Variants in TYR observed in about 807,000 individuals in gnomAD.
The protein encoded by TYR is LB24-AB.
TYR carries 58 observed loss-of-function variants against 51.5 expected under a neutral mutation model. The ratio of observed to expected loss-of-function variants is 1.13; its 90% CI spans 0.91 to 1.40. The LOEUF (loss-of-function observed/expected upper bound fraction) is 1.40, where lower values mean the gene tolerates loss of function less well. Among genes scored for constraint, TYR ranks in the 40% most tolerant of loss-of-function variants. The pLI, the probability that TYR is intolerant of heterozygous loss-of-function variation, is 0.00. For synonymous variants in TYR, 263 were observed against 235.2 expected (o/e 1.12, Z -1.08); for missense variants, 732 against 647.4 (o/e 1.13, Z -1.42).
At chr11:89,242,559 G>C (rs1207372095) in intron 3 of TYR, among the ~76,000 whole-genome samples, 4 of 152,114 alleles carry the variant, frequency 2.6e-5, no homozygotes, top group Non-Finnish European at 5.9e-5. Context: ...AAGGACTTTG[G>C]TGAAGGTGGT....
At chr11:89,224,273 C>T (rs1943949507) in intron 2 of TYR, among the ~76,000 whole-genome samples, 1 of 152,166 alleles carries the variant, frequency 6.6e-6, no homozygotes, top group South Asian at 2.1e-4. Flanking sequence ...ATTCACTTTG[C>T]ACCAGATCTG....
intron 3 of TYR, among the ~76,000 whole-genome samples, chr11:89,242,506 G>A (rs1347075418): frequency 3.9e-5 from 6 of 151,990 alleles, no homozygotes; most frequent in African/African-American, 7.2e-5. Flanking sequence ...CACTGTGCCC[G>A]GCCTCTTTAT....
Position 89,191,263 on chromosome 11 carries a change from A to T in TYR, c.881A>T (p.Glu294Val). 2 of 1,613,624 alleles carry T rather than the reference A, an allele frequency of 1.2e-6. No individual in the cohort carries two copies. Among genetic ancestry groups the T allele is most frequent in the Admixed American group, 1.7e-5 (1 of 59,920 alleles). Reference sequence around the variant, plus strand: ...CAGTCTTTATGCAATGGAACGCCCGAGGGACCTTTACGGCGTAATCCTGGA... The same window carrying T: ...CAGTCTTTATGCAATGGAACGCCCGTGGGACCTTTACGGCGTAATCCTGGA... ...SHQSLCNGTPEGPLRRNPGNH... is the reference protein window; with the variant it reads ...SHQSLCNGTPVGPLRRNPGNH... The change falls in exon 2 of 5, where the codon GAG (glutamate) becomes GTG (valine). Residue 294 changes from glutamate to valine, a missense_variant. Transcript: ENST00000263321.
At position 89,223,871 on chromosome 11, in the gene TYR, T is replaced by A. The variant is rs559097565; in HGVS notation, c.1037-3952T>A. ...CATTATTTCTAAGCACATATCACAA[T>A]GTATTCCGACAAATTCCTTGTGCTT... is the stretch of plus-strand genomic sequence containing the variant. On this transcript the variant is annotated intron_variant, in intron 2 of 4. Coordinates refer to ENST00000263321, the MANE Select transcript of TYR (RefSeq NM_000372.5). Among the ~76,000 whole-genome samples the A allele has an allele frequency of 2.0e-5, 3 of 152,012 alleles. No individual in the cohort carries two copies. The South Asian group carries it at 6.2e-4, about 32-fold the overall frequency.
At chr11:89,259,278 C>T (rs1158625872) in intron 3 of TYR, among the ~76,000 whole-genome samples, 1 of 152,108 alleles carries the variant, frequency 6.6e-6, no homozygotes, top group Non-Finnish European at 1.5e-5. Flanking sequence ...TTAGCACTTT[C>T]CTTCTCATAC....
chr11:89,245,199 T>C (rs549893200), intron 3 of TYR, among the ~76,000 whole-genome samples: 3 of 152,302 alleles, frequency 2.0e-5, no homozygotes, highest in East Asian at 1.9e-4. Context: ...TGTAGAAATA[T>C]GTGGTTGAAA....
At chr11:89,268,093 C>A (rs549140992) in intron 3 of TYR, among the ~76,000 whole-genome samples, 1 of 152,022 alleles carries the variant, frequency 6.6e-6, no homozygotes, top group Non-Finnish European at 1.5e-5. Context: ...GGCTGTGTAA[C>A]CTTAGGCAAG....
intron 4 of TYR, 141 bp downstream of exon 4, chr11:89,285,095 A>G (rs1944768289): frequency 1.3e-6 from 1 of 743,588 alleles, no homozygotes. Flanking sequence ...TTAATTTATT[A>G]CCAGTTTATT....
At chr11:89,248,189 CAA>C (rs1944289624) in intron 3 of TYR, among the ~76,000 whole-genome samples, 2 of 151,950 alleles carry the variant, frequency 1.3e-5, no homozygotes, top group African/African-American at 4.8e-5. Flanking sequence ...ATATATGTAA[CAA>C]TGTTCTTAGC....
intron 3 of TYR, among the ~76,000 whole-genome samples, chr11:89,267,038 G>T (rs1319838004): frequency 2.0e-5 from 3 of 151,882 alleles, no homozygotes; most frequent in African/African-American, 7.2e-5. Flanking sequence ...GTAGATATAT[G>T]ATAAACTTTT....
chr11:89,207,013 T>C (rs971886246), intron 2 of TYR, among the ~76,000 whole-genome samples: 1 of 151,864 alleles, frequency 6.6e-6, no homozygotes, highest in African/African-American at 2.4e-5. Context: ...AATGCACACA[T>C]GTGGAAAGAG....
intron 2 of TYR, among the ~76,000 whole-genome samples, chr11:89,208,539 T>A (rs979507202): frequency 3.9e-5 from 6 of 152,302 alleles, no homozygotes; most frequent in African/African-American, 1.4e-4. Flanking sequence ...TATTCTAAAT[T>A]TTACATTATA....
At chr11:89,274,680 G>T (rs928683887) in intron 3 of TYR, among the ~76,000 whole-genome samples, 2 of 151,852 alleles carry the variant, frequency 1.3e-5, no homozygotes, top group African/African-American at 4.8e-5. Flanking sequence ...GTTTTCTTAT[G>T]AGGAGGTTTT....
chr11:89,202,626 C>CACACACACAA (rs1943612451), intron 2 of TYR, among the ~76,000 whole-genome samples: 1 of 151,058 alleles, frequency 6.6e-6, no homozygotes, highest in Admixed American at 6.6e-5. Context: ...TCATAATACA[C>CACACACACAA]ACACACACAC....
At chr11:89,206,404 C>A (rs1943672953) in intron 2 of TYR, among the ~76,000 whole-genome samples, 1 of 151,950 alleles carries the variant, frequency 6.6e-6, no homozygotes, top group African/African-American at 2.4e-5. Context: ...AAGAGAGGCA[C>A]ATTTTATCAA....
chr11:89,223,005 T>C (rs1943932183), intron 2 of TYR, among the ~76,000 whole-genome samples: 1 of 152,112 alleles, frequency 6.6e-6, no homozygotes, highest in African/African-American at 2.4e-5. Flanking sequence ...AAATGACAAG[T>C]CCACAAATTC....
intron 1 of TYR, among the ~76,000 whole-genome samples, chr11:89,182,503 A>G (rs1183772547): frequency 6.6e-6 from 1 of 152,214 alleles, no homozygotes; most frequent in Non-Finnish European, 1.5e-5. Context: ...AGACAATACA[A>G]GAGAGAAGAT....
rs1285528491 is a variant in TYR at position 89,178,597 on chromosome 11, T to A, written c.644T>A (p.Leu215Ter). 6.2e-7 allele frequency: 1 copy of A among 1,613,038 alleles called. No individual in the cohort carries two copies. Among genetic ancestry groups the A allele is most frequent in the Non-Finnish European group, 8.5e-7 (1 of 1,179,430 alleles). The change falls in exon 1 of 5, where the codon TTG becomes TAG. Residue 215 changes from leucine (L) to a stop codon, truncating the protein, a stop_gained. Transcript: ENST00000263321. LOFTEE classifies it high-confidence loss of function. Reference protein sequence around the residue: ...PAFLPWHRLFLLRWEQEIQKL... With the variant: ...PAFLPWHRLF ...TTTCTGCCTTGGCATAGACTCTTCT[T>A]GTTGCGGTGGGAACAAGAAATCCAG...
At chr11:89,198,769 A>ATATATATATATATATATATTT (rs951676764) in intron 2 of TYR, among the ~76,000 whole-genome samples, 5 of 151,014 alleles carry the variant, frequency 3.3e-5, no homozygotes, top group African/African-American at 1.2e-4. Flanking sequence ...ATATATATAT[A>ATATATATATATATATATATTT]TTTTTATACT....
Sources: gnomAD v4.1 joint callset for allele counts (sites outside exome capture counted in the v4.1 genomes callset) on GRCh38, gnomAD v4.1.1 for gene constraint, MANE v1.5 for transcripts, NCBI Gene and HGNC (gene_info 2026-07-23, HGNC 2026-07-21) for gene names.